The following FOXP2 variants were observed in gnomAD, a reference collection of about 807,000 sequenced individuals.
FOXP2 encodes forkhead box P2, also known as forkhead box protein P2.
FOXP2 carries 12 observed loss-of-function variants against 115.8 expected under a neutral mutation model. The ratio of observed to expected loss-of-function variants is 0.10; its 90% CI spans 0.07 to 0.17. The LOEUF (loss-of-function observed/expected upper bound fraction) is 0.17. FOXP2 is among the 10% of genes least tolerant of loss of function. The pLI is 1.00. For synonymous variants in FOXP2, 328 were observed against 297.7 expected (o/e 1.10, Z -1.05); for missense variants, 629 against 843.5 (o/e 0.75, Z 3.15).
chr7:114,144,632 G>A (rs912082922), intron 1 of FOXP2, among the ~76,000 whole-genome samples: 17 of 151,956 alleles, frequency 1.1e-4, no homozygotes, highest in African/African-American at 4.1e-4. Context: ...TTTAAATTAT[G>A]ATATATTATG....
intron 2 of FOXP2, among the ~76,000 whole-genome samples, chr7:114,450,560 G>T (rs1384319163): frequency 6.6e-6 from 1 of 152,030 alleles, no homozygotes; most frequent in Non-Finnish European, 1.5e-5. Context: ...GGTGTCAGGG[G>T]TCTTTTGTGA....
chr7:114,283,864 G>T (rs115644407), intron 1 of FOXP2, among the ~76,000 whole-genome samples: 1,582 of 152,168 alleles, frequency 0.01, 35 homozygotes, highest in African/African-American at 0.036. Context: ...TGTGGGGGCT[G>T]AGGTGGGAGA....
chr7:114,662,774 T>G (rs1369790428), intron 14 of FOXP2, among the ~76,000 whole-genome samples: 3 of 152,102 alleles, frequency 2.0e-5, no homozygotes, highest in Non-Finnish European at 4.4e-5. Context: ...CTGGGAAGTT[T>G]GAATTTTGTT....
At chr7:114,175,060 A>G (rs1455368635) in intron 1 of FOXP2, among the ~76,000 whole-genome samples, 1 of 152,170 alleles carries the variant, frequency 6.6e-6, no homozygotes, top group East Asian at 1.9e-4. Context: ...CAGAATGCTT[A>G]AATGAGGGAT....
intron 1 of FOXP2, among the ~76,000 whole-genome samples, chr7:114,420,108 G>A (rs1289514739): frequency 1.3e-5 from 2 of 151,910 alleles, no homozygotes; most frequent in Non-Finnish European, 2.9e-5. Flanking sequence ...CTGTGGGCGG[G>A]AGACTGAAGA....
intron 2 of FOXP2, chr7:114,366,514 A>G (rs1307875821): frequency 6.6e-6 from 1 of 152,104 alleles, no homozygotes; most frequent in African/African-American, 2.4e-5. Flanking sequence ...GCCAGTACTC[A>G]TATATATAGA....
chr7:114,390,023 CAAA>C (rs11311566), intron 2 of FOXP2, among the ~76,000 whole-genome samples: 13 of 93,184 alleles, frequency 1.4e-4, no homozygotes, highest in African/African-American at 3.4e-4. Context: ...CATTCAGTGT[CAAA>C]AAAAAAAAAA....
intron 1 of FOXP2, among the ~76,000 whole-genome samples, chr7:114,197,335 C>T (rs961662234): frequency 2.6e-5 from 4 of 152,174 alleles, no homozygotes; most frequent in Non-Finnish European, 5.9e-5. Context: ...CACAGTTCTA[C>T]GGGCTGGAAG....
At chr7:114,248,180 CAG>C (rs71314647) in intron 1 of FOXP2, among the ~76,000 whole-genome samples, 36,745 of 145,808 alleles carry the variant, frequency 0.25, 5,436 homozygotes, top group African/African-American at 0.42. Flanking sequence ...AGCTTAAAAA[CAG>C]AGAGAGAGAG....
At chr7:114,258,395 T>C (rs1194328) in intron 1 of FOXP2, among the ~76,000 whole-genome samples, 84,825 of 151,982 alleles carry the variant, frequency 0.56, 26,598 homozygotes, top group Admixed American at 0.74. Context: ...ATGTCAATTA[T>C]CTGGTGAAAA....
chr7:114,643,665 T>A (rs1805707328), intron 7 of FOXP2, among the ~76,000 whole-genome samples: 1 of 152,204 alleles, frequency 6.6e-6, no homozygotes, highest in Non-Finnish European at 1.5e-5. Context: ...TATTTAGGCA[T>A]CTTGCTCTCT....
At chr7:114,284,902 T>C (rs1044266601) in intron 1 of FOXP2, among the ~76,000 whole-genome samples, 1 of 152,130 alleles carries the variant, frequency 6.6e-6, no homozygotes, top group Admixed American at 6.6e-5. Flanking sequence ...CTGGAGGCCA[T>C]TATCCTTAGC....
chr7:114,132,101 A>T (rs951289547), intron 1 of FOXP2, among the ~76,000 whole-genome samples: 2 of 152,202 alleles, frequency 1.3e-5, no homozygotes, highest in Admixed American at 1.3e-4. Context: ...GGCAAAACTC[A>T]TCCTTGCTTT....
chr7:114,564,878 C>CAAAA (rs35022872), intron 3 of FOXP2, among the ~76,000 whole-genome samples: 6 of 88,126 alleles, frequency 6.8e-5, no homozygotes, highest in African/African-American at 2.1e-4. Flanking sequence ...AAGGCCCTGT[C>CAAAA]AAAAAAAAAA....
At chr7:114,657,665 AC>A (rs1208103508) in intron 10 of FOXP2, among the ~76,000 whole-genome samples, 1 of 152,176 alleles carries the variant, frequency 6.6e-6, no homozygotes, top group African/African-American at 2.4e-5. Context: ...CAGAATAGCA[AC>A]TTACTTTAAA....
rs1807079039 is a variant in FOXP2, at chr7:114,664,822, A to G, written c.2003+386A>G. The G allele has an allele frequency of 8.1e-6, 2 of 247,792 alleles. 1 individual carries two copies. Among genetic ancestry groups the G allele is most frequent in the South Asian group, 9.9e-5 (2 of 20,224 alleles). 15.3% of individuals were successfully genotyped at this position (247,792 alleles called of 1,614,324 possible). ...TTTTACTACTGTTACAGGTCTCTAAACCATTTATGAACTGTAGTCAAGATA... is the reference window on the plus strand; with the variant it reads ...TTTTACTACTGTTACAGGTCTCTAAGCCATTTATGAACTGTAGTCAAGATA... On this transcript the variant is annotated intron_variant, in intron 16 of 16. Coordinates refer to ENST00000350908, the MANE Select transcript of FOXP2 (RefSeq NM_014491.4).
intron 16 of FOXP2, among the ~76,000 whole-genome samples, chr7:114,671,438 G>A (rs976974231): frequency 2.6e-5 from 4 of 152,046 alleles, no homozygotes; most frequent in African/African-American, 7.2e-5. Flanking sequence ...TCTGACATCC[G>A]TGGTGTGAAT....
chr7:114,486,016 G>T (rs886839048), intron 2 of FOXP2, among the ~76,000 whole-genome samples: 1 of 152,130 alleles, frequency 6.6e-6, no homozygotes, highest in Non-Finnish European at 1.5e-5. Flanking sequence ...CATGGCTCCT[G>T]CTACTACTTT....
upstream of FOXP2, among the ~76,000 whole-genome samples, chr7:114,086,804 T>C (rs567527185): frequency 3.5e-4 from 53 of 152,302 alleles, no homozygotes; most frequent in African/African-American, 1.2e-3. Context: ...GGGCTCGGCG[T>C]TGGGGTCGCA....
Sources: gnomAD v4.1 joint callset for allele counts (sites outside exome capture counted in the v4.1 genomes callset) on GRCh38, gnomAD v4.1.1 for gene constraint, MANE v1.5 for transcripts, NCBI Gene and HGNC (gene_info 2026-07-23, HGNC 2026-07-21) for gene names.